LRBA: variants seen among roughly 807,000 people sequenced by gnomAD.
LRBA encodes LPS responsive beige-like anchor protein.
A neutral mutation model predicts 330.0 loss-of-function variants in LRBA; 176 were observed. The ratio of observed to expected loss-of-function variants is 0.53; its 90% CI spans 0.47 to 0.60. The LOEUF (loss-of-function observed/expected upper bound fraction) is 0.60. Among genes scored for constraint, LRBA ranks in the 20% least tolerant of loss-of-function variants. The pLI is 0.00. For synonymous variants in LRBA, 1,230 were observed against 1,193.0 expected (o/e 1.03, Z -0.64); for missense variants, 3,259 against 3,444.8 (o/e 0.95, Z 1.35).
At chr4:150,765,576 T>C (rs1262812642) in intron 34 of LRBA, among the ~76,000 whole-genome samples, 2 of 152,142 alleles carry the variant, frequency 1.3e-5, no homozygotes, top group Non-Finnish European at 2.9e-5. Flanking sequence ...CTCTAAAAAG[T>C]AATGTCTTTT....
At chr4:150,954,831 A>G (rs1368098086) in intron 2 of LRBA, among the ~76,000 whole-genome samples, 3 of 145,860 alleles carry the variant, frequency 2.1e-5, no homozygotes, top group Middle Eastern at 3.4e-3. Flanking sequence ...AAAAAAAAAA[A>G]AAAAAAAGAA....
chr4:150,463,763 A>G (rs1398648657), intron 44 of LRBA, among the ~76,000 whole-genome samples: 1 of 152,020 alleles, frequency 6.6e-6, no homozygotes, highest in Non-Finnish European at 1.5e-5. Context: ...CTGGCCACTA[A>G]TCTACAATAG....
intron 46 of LRBA, among the ~76,000 whole-genome samples, chr4:150,421,215 T>C (rs1387326894): frequency 3.6e-5 from 5 of 137,182 alleles, no homozygotes; most frequent in Non-Finnish European, 7.6e-5. Context: ...ATAAAGTATA[T>C]ATTATACACA....
intron 53 of LRBA, among the ~76,000 whole-genome samples, chr4:150,297,728 A>G (rs1242783696): frequency 6.6e-6 from 1 of 152,170 alleles, no homozygotes; most frequent in Non-Finnish European, 1.5e-5. Context: ...AACTTCCTCA[A>G]CGGTAACTTA....
Position 150,437,554 on chromosome 4 carries a change from C to CTA in LRBA, c.6781-692_6781-691dup, listed in dbSNP as rs367798983. On this transcript the variant is annotated intron_variant, in intron 44 of 56. Coordinates refer to ENST00000651943, the MANE Select transcript of LRBA (RefSeq NM_001364905.1). Reference sequence around the variant, plus strand: ...TAAAAATATCACATTAAAAATAATGCTATATATATATCGCATTAAAAAAAG... The same window carrying CTA: ...TAAAAATATCACATTAAAAATAATGCTATATATATATATCGCATTAAAAAAAG... 2.4e-3 allele frequency among the ~76,000 whole-genome samples: 349 copies of CTA among 148,220 alleles called. 7 individuals carry two copies. The highest frequency in any genetic ancestry group is 3.0e-3 in the East Asian group (15 of 5,078).
intron 47 of LRBA, among the ~76,000 whole-genome samples, chr4:150,401,477 T>C (rs1745459542): frequency 1.3e-5 from 2 of 152,168 alleles, no homozygotes; most frequent in African/African-American, 2.4e-5. Flanking sequence ...TTATCCATGA[T>C]GTTAAGTGAG....
chr4:150,633,199 G>A (rs969220735), intron 37 of LRBA, among the ~76,000 whole-genome samples: 5 of 152,116 alleles, frequency 3.3e-5, no homozygotes, highest in Non-Finnish European at 4.4e-5. Flanking sequence ...TAACATCTCT[G>A]TACTTCAACT....
At chr4:150,839,674 G>A (rs186617401) in intron 28 of LRBA, among the ~76,000 whole-genome samples, 5 of 152,258 alleles carry the variant, frequency 3.3e-5, no homozygotes, top group South Asian at 2.1e-4. Context: ...ACTCATAGGT[G>A]GGAATTGAAC....
At chr4:150,596,736 A>G (rs1581774966) in intron 38 of LRBA, among the ~76,000 whole-genome samples, 1 of 151,702 alleles carries the variant, frequency 6.6e-6, no homozygotes, top group African/African-American at 2.4e-5. Flanking sequence ...ATTGAATGTC[A>G]CCATAAAATA....
chr4:150,683,300 G>C (rs1783212697), intron 37 of LRBA, among the ~76,000 whole-genome samples: 1 of 152,126 alleles, frequency 6.6e-6, no homozygotes, highest in African/African-American at 2.4e-5. Flanking sequence ...TTTGGAAGTA[G>C]TTGAGGAAAC....
At chr4:150,386,226 T>C (rs1364156839) in intron 47 of LRBA, among the ~76,000 whole-genome samples, 1 of 151,368 alleles carries the variant, frequency 6.6e-6, no homozygotes, top group Admixed American at 6.6e-5. Context: ...ATGTTTAAAA[T>C]GAAAAAAAAA....
At chr4:150,380,179 C>CA (rs150812909) in intron 47 of LRBA, among the ~76,000 whole-genome samples, 20,844 of 136,184 alleles carry the variant, frequency 0.15, 1,572 homozygotes, top group Middle Eastern at 0.2. Context: ...AACTCTGTCT[C>CA]AAAAAAACAA....
intron 2 of LRBA, among the ~76,000 whole-genome samples, chr4:150,958,475 G>T (rs1419232668): frequency 1.3e-5 from 2 of 149,162 alleles, no homozygotes; most frequent in Non-Finnish European, 2.9e-5. Context: ...GTGATGGGAG[G>T]GGCTTCTGTG....
intron 40 of LRBA, among the ~76,000 whole-genome samples, chr4:150,558,398 G>A (rs1314375644): frequency 6.6e-6 from 1 of 152,050 alleles, no homozygotes; most frequent in African/African-American, 2.4e-5. Context: ...TCATACTTTA[G>A]GTTATAAACC....
intron 36 of LRBA, among the ~76,000 whole-genome samples, chr4:150,684,495 T>C (rs1369572129): frequency 2.0e-5 from 3 of 152,134 alleles, no homozygotes; most frequent in Admixed American, 1.3e-4. Flanking sequence ...TTTATATACA[T>C]CAAAGTCTGA....
chr4:150,767,084 G>C (rs1328871841), intron 34 of LRBA, among the ~76,000 whole-genome samples: 1 of 150,922 alleles, frequency 6.6e-6, no homozygotes, highest in Admixed American at 6.6e-5. Flanking sequence ...GGTGGTAAAA[G>C]TTAGTTAGGG....
At chr4:150,814,074 G>T (rs1218238111) in intron 31 of LRBA, among the ~76,000 whole-genome samples, 2 of 151,968 alleles carry the variant, frequency 1.3e-5, no homozygotes, top group African/African-American at 4.8e-5. Context: ...TATTGAAAGT[G>T]AAAAATAGAA....
chr4:150,368,600 G>A (rs1281694351), intron 47 of LRBA, among the ~76,000 whole-genome samples: 1 of 152,090 alleles, frequency 6.6e-6, no homozygotes, highest in African/African-American at 2.4e-5. Context: ...ACAACGATCA[G>A]TTGTTTATTT....
At chr4:150,266,499 G>A (rs1382476265) in intron 56 of LRBA, among the ~76,000 whole-genome samples, 1 of 147,422 alleles carries the variant, frequency 6.8e-6, no homozygotes, top group Non-Finnish European at 1.5e-5. Context: ...AACCTAAACT[G>A]AGCATAGCCA....
Sources: gnomAD v4.1 joint callset for allele counts (sites outside exome capture counted in the v4.1 genomes callset) on GRCh38, gnomAD v4.1.1 for gene constraint, MANE v1.5 for transcripts, NCBI Gene and HGNC (gene_info 2026-07-23, HGNC 2026-07-21) for gene names.